Variants in WDR19 observed in about 807,000 individuals in gnomAD.
The protein encoded by WDR19 is WD repeat domain 19.
Under a neutral mutation model 180.0 loss-of-function variants are expected in WDR19, and 121 were observed. The ratio of observed to expected loss-of-function variants is 0.67; its 90% CI spans 0.58 to 0.78. The LOEUF (loss-of-function observed/expected upper bound fraction) is 0.78, where lower values mean the gene tolerates loss of function less well. WDR19 is among the 30% of genes least tolerant of loss of function. The pLI is 0.00. For missense variants in WDR19, 1,450 were observed against 1,640.7 expected (o/e 0.88, Z 2.01); for synonymous variants, 497 against 540.7 (o/e 0.92, Z 1.12).
intron 4 of WDR19, among the ~76,000 whole-genome samples, chr4:39,191,737 T>C (rs1726167934): frequency 6.6e-6 from 1 of 152,208 alleles, no homozygotes; most frequent in Non-Finnish European, 1.5e-5. Context: ...CCAAGGCAAT[T>C]TGGACCTGAG....
intron 34 of WDR19, among the ~76,000 whole-genome samples, chr4:39,277,521 T>G (rs1736018565): frequency 6.6e-6 from 1 of 152,236 alleles, no homozygotes; most frequent in Non-Finnish European, 1.5e-5. Context: ...AGACCTAGTA[T>G]CAGAGAACTT....
intron 9 of WDR19, 131 bp from the exon 10 acceptor site, chr4:39,214,470 C>A: frequency 1.9e-6 from 1 of 535,086 alleles, no homozygotes; most frequent in Non-Finnish European, 3.3e-6. Flanking sequence ...TTTTCTTAAC[C>A]CAGTAGATCA....
chr4:39,189,848 AC>A, intron 4 of WDR19, 67 bp downstream of exon 4: 1 of 1,465,718 alleles, frequency 6.8e-7, no homozygotes, highest in Non-Finnish European at 9.1e-7. Context: ...TTTGGTGCTA[AC>A]AATTCTTTAC....
rs764907062 is a variant in WDR19 at position 39,228,369 on chromosome 4, C to T, written c.1777+12C>T. The T allele has an allele frequency of 9.4e-6, 15 of 1,603,958 alleles. No individual in the cohort carries two copies. In the Admixed American group the frequency reaches 2.5e-4, roughly 27 times the overall value. On this transcript the variant is annotated intron_variant, in intron 16 of 36. Transcript: ENST00000399820. ...GGACACTATACAAGGTACTAAACCCCTTTTGTGTATATTCGCTGACAGATG... is the reference window on the plus strand; with the variant it reads ...GGACACTATACAAGGTACTAAACCCTTTTTGTGTATATTCGCTGACAGATG...
At chr4:39,211,300 A>T (rs912319073) in intron 9 of WDR19, among the ~76,000 whole-genome samples, 1 of 152,226 alleles carries the variant, frequency 6.6e-6, no homozygotes, top group Non-Finnish European at 1.5e-5. Context: ...ATCTGCTCTC[A>T]TTACTCTTAC....
At chr4:39,187,210 G>A (rs963012660) in intron 3 of WDR19, among the ~76,000 whole-genome samples, 1 of 152,114 alleles carries the variant, frequency 6.6e-6, no homozygotes, top group South Asian at 2.1e-4. Flanking sequence ...CATGAGGTCA[G>A]GAGATGGAGA....
At chr4:39,245,344 T>G in intron 23 of WDR19, 25 bp from the exon 24 acceptor site, 1 of 1,600,708 alleles carries the variant, frequency 6.2e-7, no homozygotes, top group Non-Finnish European at 8.5e-7. Flanking sequence ...GTACTCATAC[T>G]GTTCTCCTGG....
At chr4:39,198,173 T>A (rs569158950) in intron 5 of WDR19, among the ~76,000 whole-genome samples, 2 of 152,116 alleles carry the variant, frequency 1.3e-5, no homozygotes, top group Non-Finnish European at 2.9e-5. Context: ...AGTTAAACAG[T>A]GAATGTTAAA....
chr4:39,194,730 G>T, intron 5 of WDR19, 71 bp downstream of exon 5: 1 of 1,222,732 alleles, frequency 8.2e-7, no homozygotes, highest in Non-Finnish European at 1.2e-6. Context: ...GCCGCCTCAG[G>T]TTTCCCTGAT....
chr4:39,228,951 G>A (rs1730578412), intron 17 of WDR19, among the ~76,000 whole-genome samples: 1 of 151,996 alleles, frequency 6.6e-6, no homozygotes, highest in African/African-American at 2.4e-5. Context: ...CCTCAACCCT[G>A]TCTCACCATC....
chr4:39,251,206 A>G (rs940369996), intron 24 of WDR19, among the ~76,000 whole-genome samples: 2 of 152,312 alleles, frequency 1.3e-5, no homozygotes, highest in South Asian at 4.1e-4. Context: ...ATAATGCTGC[A>G]TATCTACAAC....
chr4:39,217,019 G>T (rs1297611851), intron 12 of WDR19, 115 bp from the exon 13 acceptor site: 5 of 628,932 alleles, frequency 7.9e-6, no homozygotes, highest in African/African-American at 1.9e-5. Flanking sequence ...AGATTAAAAT[G>T]AAATTTTAAG....
At chr4:39,266,586 A>G (rs1734819743) in intron 29 of WDR19, among the ~76,000 whole-genome samples, 1 of 152,230 alleles carries the variant, frequency 6.6e-6, no homozygotes. Context: ...ATGCCCCTCT[A>G]GATAACAATC....
At position 39,205,548 on chromosome 4, in the gene WDR19, C is replaced by G. The variant is rs772661806; in HGVS notation, c.717-15C>G. ...AATCTCCTTGTTTACCATATTGTTG[C>G]CTTCTTTGCTATAGGTATGGTGATG... is the stretch of plus-strand genomic sequence containing the variant. On this transcript the variant is annotated splice_polypyrimidine_tract_variant and intron_variant, in intron 8 of 36. Coordinates refer to ENST00000399820, the MANE Select transcript of WDR19 (RefSeq NM_025132.4). The G allele has an allele frequency of 8.1e-6, 13 of 1,603,970 alleles. No individual in the cohort carries two copies. The highest frequency in any genetic ancestry group is 2.2e-5 in the South Asian group (2 of 89,280).
At chr4:39,226,067 T>A (rs1476674753) in intron 15 of WDR19, among the ~76,000 whole-genome samples, 1 of 152,236 alleles carries the variant, frequency 6.6e-6, no homozygotes, top group Non-Finnish European at 1.5e-5. Context: ...TTCCTTTCTA[T>A]AACAGGGAAC....
At chr4:39,233,479 A>G (rs1477637506) in intron 19 of WDR19, among the ~76,000 whole-genome samples, 1 of 152,198 alleles carries the variant, frequency 6.6e-6, no homozygotes, top group Non-Finnish European at 1.5e-5. Context: ...AAAAATGAGA[A>G]TGAGGTCTTT....
chr4:39,203,585 T>G, intron 6 of WDR19, 57 bp from the exon 7 acceptor site: 1 of 1,395,300 alleles, frequency 7.2e-7, no homozygotes. Context: ...CTATTAATAT[T>G]CAGAATGAAT....
At chr4:39,258,645 G>C (rs1578012678) in intron 28 of WDR19, among the ~76,000 whole-genome samples, 1 of 152,134 alleles carries the variant, frequency 6.6e-6, no homozygotes, top group East Asian at 1.9e-4. Context: ...ATATATCCAG[G>C]AGTAGAATTA....
At chr4:39,244,432 T>A in intron 22 of WDR19, 38 bp from the exon 23 acceptor site, 1 of 1,613,822 alleles carries the variant, frequency 6.2e-7, no homozygotes, top group Non-Finnish European at 8.5e-7. Context: ...CTTTTATACA[T>A]AATAACTTAG....
Sources: gnomAD v4.1 joint callset for allele counts (sites outside exome capture counted in the v4.1 genomes callset) on GRCh38, gnomAD v4.1.1 for gene constraint, MANE v1.5 for transcripts, NCBI Gene and HGNC (gene_info 2026-07-23, HGNC 2026-07-21) for gene names.